The following TK1 variants were observed in gnomAD, a reference collection of about 807,000 sequenced individuals.
TK1 encodes thymidine kinase 1, also known as thymidine kinase, cytosolic.
Under a neutral mutation model 22.4 loss-of-function variants are expected in TK1, and 13 were observed. The observed-to-expected ratio is 0.58, with a 90% CI of 0.38 to 0.92. The LOEUF (loss-of-function observed/expected upper bound fraction) is 0.92. TK1 is among the 40% of genes least tolerant of loss of function. The probability of loss-of-function intolerance (pLI) is 0.00; values close to 1 mark genes in which losing one functional copy is unlikely to be tolerated. For synonymous variants in TK1, 134 were observed against 125.4 expected, an observed-to-expected ratio of 1.07 and a Z score of -0.46; for missense variants, 251 against 315.7, an observed-to-expected ratio of 0.80 and a Z score of 1.55.
chr17:78,180,278 G>A (rs368150794), intron 4 of TK1, among the ~76,000 whole-genome samples: 47 of 152,292 alleles, frequency 3.1e-4, no homozygotes, highest in African/African-American at 1.0e-3. Context: ...CCTCGTGGGC[G>A]GCCTCCCCAT....
Position 78,175,181 on chromosome 17 carries a change from T to G in TK1, c.394-12A>C. 6.3e-7 allele frequency: 1 copy of G among 1,593,536 alleles called. No homozygotes were observed. On this transcript the variant is annotated splice_polypyrimidine_tract_variant and intron_variant, in intron 5 of 6. Coordinates refer to ENST00000301634, the MANE Select transcript of TK1 (RefSeq NM_003258.5). ...ATGGCCCCAAATGGCTGCGCTCCCA[T>G]GGAAAGACAGAGGGCGCTCAGCCAC...
chr17:78,181,925 C>CT (rs200839353), intron 4 of TK1, among the ~76,000 whole-genome samples: 41,784 of 147,174 alleles, frequency 0.28, 6,165 homozygotes, highest in South Asian at 0.34. Context: ...TGGCTAATTT[C>CT]TTTTTTTTTT....
At chr17:78,179,547 C>A (rs768733656) in intron 4 of TK1, 54 of 985,316 alleles carry the variant, frequency 5.5e-5, no homozygotes, top group Non-Finnish European at 6.4e-5. Flanking sequence ...GGGAAGGGAC[C>A]CGTCAGCCTC....
chr17:78,180,514 C>T (rs566341653), intron 4 of TK1, among the ~76,000 whole-genome samples: 3 of 152,256 alleles, frequency 2.0e-5, no homozygotes, highest in South Asian at 2.1e-4. Context: ...GAAAATAACC[C>T]AGAAACTCAA....
intron 5 of TK1, 50 bp from the exon 6 acceptor site, chr17:78,175,219 G>GTTTTTATTTTTTTTTT: frequency 2.9e-5 from 45 of 1,574,700 alleles, no homozygotes; most frequent in African/African-American, 1.8e-4. Context: ...TACCAGGTGG[G>GTTTTTATTTTTTTTTT]TTTTTCTTTT....
intron 3 of TK1, among the ~76,000 whole-genome samples, chr17:78,184,795 C>G (rs376128683): frequency 3.9e-5 from 6 of 152,160 alleles, no homozygotes; most frequent in South Asian, 2.1e-4. Flanking sequence ...TCCCCTCCCC[C>G]CTCCAGTTGC....
At chr17:78,180,574 A>G (rs191003410) in intron 4 of TK1, among the ~76,000 whole-genome samples, 15 of 152,350 alleles carry the variant, frequency 9.8e-5, no homozygotes, top group Non-Finnish European at 1.8e-4. Flanking sequence ...AAGTCTAAGA[A>G]AAGATTTTCA....
Position 78,175,162 on chromosome 17 carries a change from C to T in TK1, c.401G>A (p.Gly134Glu), listed in dbSNP as rs1341177925. The change falls in exon 6 of 7, where the codon GGG becomes GAG. Residue 134 changes from glycine (G) to glutamate (E), a missense_variant. Coordinates refer to ENST00000301634, the MANE Select transcript of TK1 (RefSeq NM_003258.5). ...CAGCGGCACCAGGTTCAGGATGGCC[C>T]CAAATGGCTGCGCTCCCATGGAAAG... ...LDGTFQRKPFGAILNLVPLAE... is the reference protein window; with the variant it reads ...LDGTFQRKPFEAILNLVPLAE... 4 of 1,605,204 alleles carry T rather than the reference C, an allele frequency of 2.5e-6. No homozygotes were observed. The African/African-American group carries it at 4.2e-5, about 17-fold the overall frequency.
chr17:78,185,182 G>C lies in TK1; in HGVS notation c.99-17C>G, dbSNP rs552553424. On this transcript the variant is annotated splice_polypyrimidine_tract_variant and intron_variant, in intron 2 of 6. Coordinates refer to ENST00000301634, the MANE Select transcript of TK1 (RefSeq NM_003258.5). Reference sequence around the variant, plus strand: ...AACTCTGTGCTGCAAGAGGAGAGAGGGTCAGGTGAGGTCCACGGCGGGAGG... The same window carrying C: ...AACTCTGTGCTGCAAGAGGAGAGAGCGTCAGGTGAGGTCCACGGCGGGAGG... The C allele has an allele frequency of 5.0e-6, 8 of 1,602,468 alleles. No homozygotes were observed. The Admixed American group carries it at 1.2e-4, about 23-fold the overall frequency.
chr17:78,175,100 C>T lies in TK1; in HGVS notation c.463G>A (p.Glu155Lys). The change falls in exon 6 of 7, where the codon GAG becomes AAG. Residue 155 changes from glutamate to lysine, a missense_variant. By Grantham distance (56) the Glu-to-Lys change is moderately conservative (BLOSUM62 1). Transcript: ENST00000301634. ...SVVKLTAVCMECFREAAYTKR... is the reference protein window; with the variant it reads ...SVVKLTAVCMKCFREAAYTKR... ...GTATAGGCGGCTTCCCGGAAGCACT[C>T]CATGCACACCGCCGTCAGCTTCACC... The T allele has an allele frequency of 6.2e-7, 1 of 1,613,480 alleles. No homozygotes were observed. Among genetic ancestry groups the T allele is most frequent in the Non-Finnish European group, 8.5e-7 (1 of 1,179,888 alleles).
chr17:78,184,519 C>CA (rs1268159114), intron 3 of TK1, among the ~76,000 whole-genome samples: 45 of 152,292 alleles, frequency 3.0e-4, no homozygotes, highest in African/African-American at 9.1e-4. Context: ...AACAGCTACA[C>CA]ATAAAACAGG....
Position 78,185,110 on chromosome 17 carries a change from C to G in TK1, c.154G>C (p.Val52Leu), listed in dbSNP as rs2075771920. 1 of 1,611,822 alleles carries G rather than the reference C, an allele frequency of 6.2e-7. No individual in the cohort carries two copies. Among genetic ancestry groups the G allele is most frequent in the Non-Finnish European group, 8.5e-7 (1 of 1,179,546 alleles). ...CGAGTGTCTTTGGCATACTTGATCACCAGGCACTTGTACTGAGCAATCTGG... is the reference window on the plus strand; with the variant it reads ...CGAGTGTCTTTGGCATACTTGATCAGCAGGCACTTGTACTGAGCAATCTGG... ...RFQIAQYKCLVIKYAKDTRYS... is the reference protein window; with the variant it reads ...RFQIAQYKCLLIKYAKDTRYS... Residue 52 changes from valine to leucine, a missense_variant, in exon 3 of 7, where the codon GTG becomes CTG. Transcript: ENST00000301634.
rs532458655 is a variant in TK1 at position 78,175,699 on chromosome 17, A to G, written c.304-81T>C. 1.2e-4 allele frequency: 155 copies of G among 1,268,396 alleles called. No individual in the cohort carries two copies. The South Asian group carries it at 1.9e-3, about 16-fold the overall frequency. 78.6% of individuals were successfully genotyped at this position (1,268,396 alleles called of 1,614,324 possible). A position where few individuals can be genotyped will look rare whatever the true frequency, so the allele number is the denominator to read the frequency against. On this transcript the variant is annotated intron_variant, in intron 4 of 6. Coordinates refer to ENST00000301634, the MANE Select transcript of TK1 (RefSeq NM_003258.5). The stretch of plus-strand genomic sequence containing the variant: ...CTGGAGCCCCAGCGAAGACGCTGCC[A>G]GATCTGACAACTCCGGCCATTTGGC...
intron 2 of TK1, among the ~76,000 whole-genome samples, chr17:78,185,975 T>C (rs1014163489): frequency 9.2e-5 from 14 of 152,180 alleles, no homozygotes; most frequent in African/African-American, 3.4e-4. Context: ...TAAAAGAATG[T>C]TGGGGCAGGG....
intron 3 of TK1, among the ~76,000 whole-genome samples, chr17:78,184,144 A>G (rs2075761465): frequency 6.6e-6 from 1 of 152,244 alleles, no homozygotes; most frequent in South Asian, 2.1e-4. Context: ...AATGACCTAC[A>G]TCAGACAGCA....
At chr17:78,178,501 C>G (rs1377947459) in intron 4 of TK1, among the ~76,000 whole-genome samples, 2 of 152,210 alleles carry the variant, frequency 1.3e-5, no homozygotes, top group Non-Finnish European at 2.9e-5. Context: ...AAAACGGGAA[C>G]AAGGCAGGTT....
intron 2 of TK1, among the ~76,000 whole-genome samples, chr17:78,185,562 T>C (rs2075778610): frequency 6.6e-6 from 1 of 152,174 alleles, no homozygotes; most frequent in Non-Finnish European, 1.5e-5. Flanking sequence ...TCTCGCTCTG[T>C]TGCCTAGGTT....
At chr17:78,176,819 C>G (rs1023698643) in intron 4 of TK1, among the ~76,000 whole-genome samples, 11 of 152,134 alleles carry the variant, frequency 7.2e-5, no homozygotes, top group Admixed American at 7.2e-4. Context: ...CGTCCCTCGC[C>G]CCCACCCATT....
intron 1 of TK1, 21 bp downstream of exon 1, chr17:78,186,908 G>A: frequency 2.6e-6 from 4 of 1,565,572 alleles, no homozygotes; most frequent in South Asian, 1.2e-5. Flanking sequence ...CCCCAGCCAC[G>A]CGCAGGGCTG....
Sources: gnomAD v4.1 joint callset for allele counts (sites outside exome capture counted in the v4.1 genomes callset) on GRCh38, gnomAD v4.1.1 for gene constraint, MANE v1.5 for transcripts, NCBI Gene and HGNC (gene_info 2026-07-23, HGNC 2026-07-21) for gene names.